The following HNF4G variants were observed in gnomAD, a reference collection of about 807,000 sequenced individuals.
The protein encoded by HNF4G is hepatocyte nuclear factor 4 gamma.
Under a neutral mutation model 50.9 loss-of-function variants are expected in HNF4G, and 21 were observed. That is an observed-to-expected ratio of 0.41 (90% CI 0.29 to 0.59). HNF4G has a LOEUF of 0.59. Ranked by LOEUF, HNF4G falls within the 20% of genes least tolerant of loss-of-function variation. The probability of loss-of-function intolerance (pLI) is 0.26; values close to 1 mark genes in which losing one functional copy is unlikely to be tolerated. For missense variants in HNF4G, 527 were observed against 559.4 expected (o/e 0.94, Z 0.58); for synonymous variants, 198 against 185.6 (o/e 1.07, Z -0.54).
intron 2 of HNF4G, among the ~76,000 whole-genome samples, chr8:75,501,380 G>A (rs2130705418): frequency 6.6e-6 from 1 of 152,256 alleles, no homozygotes; most frequent in East Asian, 1.9e-4. Context: ...GTCTAAGGCT[G>A]CAGTGAGCTA....
chr8:75,426,986 G>A (rs1055299023), intron 1 of HNF4G, among the ~76,000 whole-genome samples: 5 of 152,008 alleles, frequency 3.3e-5, no homozygotes, highest in African/African-American at 4.8e-5. Context: ...TTAAATCTGT[G>A]TATTCTTTTT....
At chr8:75,556,916 A>G (rs1460995360) in intron 6 of HNF4G, among the ~76,000 whole-genome samples, 1 of 152,214 alleles carries the variant, frequency 6.6e-6, no homozygotes, top group Non-Finnish European at 1.5e-5. Context: ...TCCTTGAAAT[A>G]GCCCTAAGGG....
chr8:75,465,204 T>G (rs1811941677), intron 1 of HNF4G, among the ~76,000 whole-genome samples: 1 of 152,190 alleles, frequency 6.6e-6, no homozygotes, highest in Admixed American at 6.5e-5. Flanking sequence ...TCATATAGAC[T>G]CTATGCAAAA....
At position 75,524,832 on chromosome 8, in the gene HNF4G, T is replaced by C. The variant is rs141384601; in HGVS notation, c.-23-18979T>C. ...CAGAATTTGCTATGTTTGTTAAGAATATAAGTGTGCGTATATAGTATATGG... is the reference window on the plus strand; with the variant it reads ...CAGAATTTGCTATGTTTGTTAAGAACATAAGTGTGCGTATATAGTATATGG... On this transcript the variant is annotated intron_variant, in intron 2 of 10. Transcript: ENST00000354370. Among the ~76,000 whole-genome samples the C allele has an allele frequency of 3.9e-5, 6 of 152,344 alleles. No individual in the cohort carries two copies. The East Asian group carries it at 7.7e-4, about 20-fold the overall frequency.
chr8:75,535,778 G>A (rs961786404), upstream of HNF4G, among the ~76,000 whole-genome samples: 9 of 151,450 alleles, frequency 5.9e-5, no homozygotes, highest in African/African-American at 1.9e-4. Flanking sequence ...TTTAAATCAC[G>A]CTGTGTAAGA....
At chr8:75,413,815 G>C (rs554604607) in intron 1 of HNF4G, among the ~76,000 whole-genome samples, 1 of 151,804 alleles carries the variant, frequency 6.6e-6, no homozygotes, top group Non-Finnish European at 1.5e-5. Context: ...CGAGATTCTA[G>C]CATTACACTC....
intron 1 of HNF4G, among the ~76,000 whole-genome samples, chr8:75,457,006 A>G (rs1811739003): frequency 6.6e-6 from 1 of 152,182 alleles, no homozygotes; most frequent in Admixed American, 6.5e-5. Flanking sequence ...CAGCTTCCCA[A>G]AGTACTAAGA....
chr8:75,542,817 A>T (rs1563547878), intron 1 of HNF4G, among the ~76,000 whole-genome samples: 1 of 152,206 alleles, frequency 6.6e-6, no homozygotes, highest in Non-Finnish European at 1.5e-5. Flanking sequence ...CTTAGATAGC[A>T]GGCTGTTGCC....
chr8:75,472,535 C>T (rs1277954204), intron 1 of HNF4G, among the ~76,000 whole-genome samples: 1 of 152,160 alleles, frequency 6.6e-6, no homozygotes, highest in Non-Finnish European at 1.5e-5. Flanking sequence ...AGAACTCAGT[C>T]GTTCTTTGCC....
chr8:75,465,057 C>T (rs1035160527), intron 1 of HNF4G, among the ~76,000 whole-genome samples: 4 of 152,098 alleles, frequency 2.6e-5, no homozygotes, highest in Non-Finnish European at 4.4e-5. Flanking sequence ...AGGGAGTAGT[C>T]ATCTTGTTTA....
chr8:75,555,315 T>G (rs1475373788), intron 5 of HNF4G, among the ~76,000 whole-genome samples: 1 of 152,062 alleles, frequency 6.6e-6, no homozygotes, highest in Non-Finnish European at 1.5e-5. Flanking sequence ...AATGGGGAAG[T>G]GTTACATTGG....
upstream of HNF4G, among the ~76,000 whole-genome samples, chr8:75,536,601 A>T (rs757965300): frequency 3.4e-4 from 52 of 151,658 alleles, no homozygotes; most frequent in East Asian, 5.8e-4. Context: ...GAATATATAT[A>T]AAAAAAACCG....
At chr8:75,478,346 A>G (rs1455331539) in intron 1 of HNF4G, among the ~76,000 whole-genome samples, 1 of 152,192 alleles carries the variant, frequency 6.6e-6, no homozygotes, top group African/African-American at 2.4e-5. Flanking sequence ...AACACGGTTT[A>G]AAGGAATTCT....
chr8:75,491,501 A>G (rs953617550), intron 2 of HNF4G, among the ~76,000 whole-genome samples: 2 of 151,054 alleles, frequency 1.3e-5, no homozygotes, highest in Non-Finnish European at 3.0e-5. Flanking sequence ...TTAAGACAGG[A>G]TCTGGCTCTG....
intron 1 of HNF4G, among the ~76,000 whole-genome samples, chr8:75,415,789 G>A (rs1810619332): frequency 6.6e-6 from 1 of 151,922 alleles, no homozygotes; most frequent in South Asian, 2.1e-4. Context: ...TGGGGGGTGG[G>A]GGGCATGTAT....
At chr8:75,434,494 A>G (rs748591072) in intron 1 of HNF4G, among the ~76,000 whole-genome samples, 1 of 152,198 alleles carries the variant, frequency 6.6e-6, no homozygotes, top group Non-Finnish European at 1.5e-5. Context: ...AAACAACTAA[A>G]GAAGTCAGAA....
chr8:75,411,416 T>C (rs762688456), intron 1 of HNF4G, among the ~76,000 whole-genome samples: 1 of 152,242 alleles, frequency 6.6e-6, no homozygotes, highest in African/African-American at 2.4e-5. Flanking sequence ...GGTTTCCATA[T>C]GTATCTTTGT....
At chr8:75,478,852 C>T (rs865970004) in intron 1 of HNF4G, among the ~76,000 whole-genome samples, 1 of 152,110 alleles carries the variant, frequency 6.6e-6, no homozygotes, top group Admixed American at 6.5e-5. Flanking sequence ...GCCTCCCAAG[C>T]AGCTGGGATT....
rs1423105367 is a variant in HNF4G, at chr8:75,484,575, T to C, written c.-143-5514T>C. On this transcript the variant is annotated intron_variant, in intron 1 of 10. Coordinates refer to the HNF4G transcript ENST00000354370. ...CTGCAGGACCACTTCAGCCACATTA[T>C]GTTCCCCAGTTACATGTTCTCACAA... is the stretch of plus-strand genomic sequence containing the variant. Among the ~76,000 whole-genome samples the C allele has an allele frequency of 2.6e-5, 4 of 152,208 alleles. No homozygotes were observed. In the East Asian group the frequency reaches 7.7e-4, roughly 29 times the overall value.
Sources: gnomAD v4.1 joint callset for allele counts (sites outside exome capture counted in the v4.1 genomes callset) on GRCh38, gnomAD v4.1.1 for gene constraint, MANE v1.5 for transcripts, NCBI Gene and HGNC (gene_info 2026-07-23, HGNC 2026-07-21) for gene names.